Variants in PACS1 observed in about 807,000 individuals in gnomAD.
PACS1 encodes PACS-1.
Under a neutral mutation model 115.0 loss-of-function variants are expected in PACS1, and 24 were observed. That is an observed-to-expected ratio of 0.21 (90% CI 0.15 to 0.29). The LOEUF is 0.29. Among genes scored for constraint, PACS1 ranks in the 10% least tolerant of loss-of-function variants. The pLI is 1.00. For synonymous variants in PACS1, 453 were observed against 504.5 expected (o/e 0.90, Z 1.37); for missense variants, 838 against 1,251.2 (o/e 0.67, Z 4.98).
At chr11:66,102,737 A>C (rs900599621) in intron 1 of PACS1, among the ~76,000 whole-genome samples, 1 of 152,160 alleles carries the variant, frequency 6.6e-6, no homozygotes, top group African/African-American at 2.4e-5. Flanking sequence ...TGGCTGTAGG[A>C]AAATTGAGGG....
At chr11:66,138,721 C>A (rs979730937) in intron 1 of PACS1, among the ~76,000 whole-genome samples, 1 of 150,694 alleles carries the variant, frequency 6.6e-6, no homozygotes, top group South Asian at 2.1e-4. Flanking sequence ...CTTGCTCTGT[C>A]GCCCAAGCTG....
intron 2 of PACS1, among the ~76,000 whole-genome samples, chr11:66,196,281 G>A (rs1007544642): frequency 3.9e-5 from 6 of 152,220 alleles, no homozygotes; most frequent in African/African-American, 4.8e-5. Flanking sequence ...GCAGTAAAAC[G>A]TGTTAATTTA....
At chr11:66,140,234 A>G (rs1385599703) in intron 1 of PACS1, among the ~76,000 whole-genome samples, 1 of 152,186 alleles carries the variant, frequency 6.6e-6, no homozygotes, top group Non-Finnish European at 1.5e-5. Context: ...ACAAGCTTTT[A>G]GAGGGTGCTG....
At chr11:66,113,759 C>T (rs941409548) in intron 1 of PACS1, among the ~76,000 whole-genome samples, 1 of 152,184 alleles carries the variant, frequency 6.6e-6, no homozygotes, top group African/African-American at 2.4e-5. Context: ...TGATCAAACT[C>T]TTGCTCTGAC....
chr11:66,090,005 CAAAAAAAAAAAA>C lies in PACS1; in HGVS notation c.356+19172_356+19183del, dbSNP rs33912143. On this transcript the variant is annotated intron_variant, in intron 1 of 23. Coordinates refer to ENST00000320580, the MANE Select transcript of PACS1 (RefSeq NM_018026.4). ...TGGAGGACAGAGCGAGACTCCATCT[CAAAAAAAAAAAA>C]AAAAAAAAGAAATGCCATTGGTATA... 6.2e-5 allele frequency among the ~76,000 whole-genome samples: 5 copies of C among 80,584 alleles called. No individual in the cohort carries two copies. In the South Asian group the frequency reaches 2.5e-3, roughly 40 times the overall value. 52.9% of individuals were successfully genotyped at this position (80,584 alleles called of 152,430 possible).
Position 66,105,914 on chromosome 11 carries a change from C to G in PACS1, c.356+35072C>G, listed in dbSNP as rs571449678. On this transcript the variant is annotated intron_variant, in intron 1 of 23. Transcript: ENST00000320580. ...TTACAAGCTTACATTTAGATAAAAG[C>G]CTTTTTATTTGAGATGAAACCCATA... 2.2e-4 allele frequency among the ~76,000 whole-genome samples: 33 copies of G among 152,246 alleles called. No homozygotes were observed. In the South Asian group the frequency reaches 6.4e-3, roughly 30 times the overall value.
intron 1 of PACS1, among the ~76,000 whole-genome samples, chr11:66,105,269 C>A (rs1858008230): frequency 6.6e-6 from 1 of 151,992 alleles, no homozygotes; most frequent in Non-Finnish European, 1.5e-5. Context: ...ACTAAAAATA[C>A]AAAATTAGCC....
In PACS1 at chr11:66,235,851, C is replaced by T; in HGVS notation, c.2208-47C>T. 6.5e-7 allele frequency: 1 copy of T among 1,527,426 alleles called. No individual in the cohort carries two copies. The allele number at this position is 1,527,426 out of a possible 1,614,324, so 94.6% of individuals were successfully genotyped here. A position where few individuals can be genotyped will look rare whatever the true frequency, so the allele number is the denominator to read the frequency against. ...GAAAGGCCAATTCCCCAGCACTCCT[C>T]CCTGTCTCTCCTACTAACTATGAAG... On this transcript the variant is annotated intron_variant, in intron 18 of 23. Transcript: ENST00000320580. This position sits in a 1 kb window ranked among gnomAD's most constrained non-coding sequence, Gnocchi z 5.6.
rs1216701521 is a variant in PACS1 at position 66,233,829 on chromosome 11, C to T, written c.1883C>T (p.Ala628Val). ...SSMPRPVKVA[A>V]VGGQSYLSSI... The stretch of plus-strand genomic sequence containing the variant: ...ATGCCGAGGCCAGTGAAGGTGGCTG[C>T]TGTGGGAGGCCAGAGCTACCTGAGC... Residue 628 changes from alanine to valine, a missense_variant, in exon 16 of 24, where the codon GCT (alanine) becomes GTT (valine). Physicochemically the swap from Ala to Val is moderately conservative, Grantham distance 64. Transcript: ENST00000320580. The surrounding 1 kb of genome is among the most constrained non-coding windows in gnomAD (Gnocchi z 4.5). 6.2e-7 allele frequency: 1 copy of T among 1,613,786 alleles called. No homozygotes were observed. Among genetic ancestry groups the T allele is most frequent in the Admixed American group, 1.7e-5 (1 of 59,944 alleles).
rs2134744745 is a variant in PACS1, at chr11:66,236,412, G to A, written c.2250+472G>A. 6.6e-6 allele frequency among the ~76,000 whole-genome samples: 1 copy of A among 152,360 alleles called. No homozygotes were observed. Among genetic ancestry groups the A allele is most frequent in the African/African-American group, 2.4e-5 (1 of 41,580 alleles). On this transcript the variant is annotated intron_variant, in intron 19 of 23. Transcript: ENST00000320580. This position sits in a 1 kb window ranked among gnomAD's most constrained non-coding sequence, Gnocchi z 4.2. Reference sequence around the variant, plus strand: ...GGGAGCTGCTTTGGTAGTAGTGGAAGGCAGCATTCAGAAAAGTCTGAAAAC... The same window carrying A: ...GGGAGCTGCTTTGGTAGTAGTGGAAAGCAGCATTCAGAAAAGTCTGAAAAC...
intron 1 of PACS1, among the ~76,000 whole-genome samples, chr11:66,072,651 A>T (rs953587388): frequency 6.6e-6 from 1 of 152,112 alleles, no homozygotes; most frequent in Admixed American, 6.5e-5. Context: ...TCCTCTCTTG[A>T]TCCTAAGCAG....
intron 2 of PACS1, among the ~76,000 whole-genome samples, chr11:66,201,659 T>G (rs894738118): frequency 1.3e-5 from 2 of 150,564 alleles, no homozygotes; most frequent in African/African-American, 2.4e-5. Flanking sequence ...GTTTTGGGTT[T>G]TTGTTTTTTT....
chr11:66,152,477 C>T (rs1859263665), intron 1 of PACS1, among the ~76,000 whole-genome samples: 1 of 151,968 alleles, frequency 6.6e-6, no homozygotes, highest in African/African-American at 2.4e-5. Context: ...AAATAATATC[C>T]CCAAACTTCT....
chr11:66,134,905 C>T (rs1183128069), intron 1 of PACS1, among the ~76,000 whole-genome samples: 1 of 152,154 alleles, frequency 6.6e-6, no homozygotes, highest in Non-Finnish European at 1.5e-5. Context: ...TTATTGCTCT[C>T]TTACCTCAAA....
chr11:66,234,085 G>C, intron 16 of PACS1, 47 bp from the exon 17 acceptor site: 1 of 1,534,962 alleles, frequency 6.5e-7, no homozygotes, highest in Non-Finnish European at 9.0e-7. Flanking sequence ...CTCCCACACT[G>C]TCTCATCTCC....
chr11:66,099,130 G>T (rs996463327), intron 1 of PACS1, among the ~76,000 whole-genome samples: 2 of 152,028 alleles, frequency 1.3e-5, no homozygotes, highest in South Asian at 4.1e-4. Flanking sequence ...TGCAACCTCC[G>T]CCTCCAGGGC....
At chr11:66,096,209 C>CTTTTTTTTTTTTTT (rs66569530) in intron 1 of PACS1, among the ~76,000 whole-genome samples, 1 of 119,508 alleles carries the variant, frequency 8.4e-6, no homozygotes, top group Non-Finnish European at 1.6e-5. Context: ...CTTTTTCTTT[C>CTTTTTTTTTTTTTT]TTTTTTTTTT....
At chr11:66,102,394 G>A (rs539128704) in intron 1 of PACS1, among the ~76,000 whole-genome samples, 230 of 151,548 alleles carry the variant, frequency 1.5e-3, no homozygotes, top group African/African-American at 5.4e-3. Flanking sequence ...GTGCGATCTC[G>A]GCTCACTGCA....
At chr11:66,142,992 C>T (rs1859032836) in intron 1 of PACS1, among the ~76,000 whole-genome samples, 1 of 151,662 alleles carries the variant, frequency 6.6e-6, no homozygotes, top group African/African-American at 2.4e-5. Context: ...AATAGAAATT[C>T]CATTATTTAC....
Sources: gnomAD v4.1 joint callset for allele counts (sites outside exome capture counted in the v4.1 genomes callset) on GRCh38, gnomAD v4.1.1 for gene constraint, Gnocchi (gnomAD v3.1) non-coding constraint, MANE v1.5 for transcripts, NCBI Gene and HGNC (gene_info 2026-07-23, HGNC 2026-07-21) for gene names.